The following GPRASP3 variants were observed in gnomAD, a reference collection of about 807,000 sequenced individuals.
GPRASP3 encodes G protein-coupled receptor associated sorting protein family member 3.
chrX:102,736,567 C>T, the GPRASP3 span, among the ~76,000 whole-genome samples: 3 of 111,627 alleles, frequency 2.7e-5, no homozygotes, highest in Non-Finnish European at 5.6e-5. Flanking sequence ...AAGGGACCAT[C>T]GTTATAGTGG....
chrX:102,727,019 A>T, the GPRASP3 span, among the ~76,000 whole-genome samples: 1 of 112,689 alleles, frequency 8.9e-6, no homozygotes, highest in East Asian at 2.8e-4. Flanking sequence ...GTGCTCACTG[A>T]TGCTCACTGA....
At chrX:102,750,161 T>C in the GPRASP3 span, 7 of 1,208,648 alleles carry the variant, frequency 5.8e-6, no homozygotes, top group Non-Finnish European at 7.8e-6. Context: ...GTAATTACTC[T>C]GAATCCTCCT....
At chrX:102,721,894 T>G in the GPRASP3 span, among the ~76,000 whole-genome samples, 1 of 111,564 alleles carries the variant, frequency 9.0e-6, no homozygotes, top group African/African-American at 3.3e-5. Flanking sequence ...CCTTGTCCTC[T>G]TTCACATCGA....
the GPRASP3 span, among the ~76,000 whole-genome samples, chrX:102,736,753 G>A: frequency 8.9e-6 from 1 of 111,811 alleles, no homozygotes; most frequent in African/African-American, 3.3e-5. Flanking sequence ...ATGCTTCTCT[G>A]ATCCAAATGT....
chrX:102,724,798 G>A, the GPRASP3 span, among the ~76,000 whole-genome samples: 2 of 108,807 alleles, frequency 1.8e-5, no homozygotes, highest in African/African-American at 3.4e-5. Flanking sequence ...CTTGTAGCGG[G>A]TAGAATCCTT....
chrX:102,732,787 A>C, the GPRASP3 span, among the ~76,000 whole-genome samples: 1 of 112,045 alleles, frequency 8.9e-6, no homozygotes, highest in Non-Finnish European at 1.9e-5. Flanking sequence ...ACTCTGTTCC[A>C]TAAGTAATCT....
the GPRASP3 span, among the ~76,000 whole-genome samples, chrX:102,732,938 C>A: frequency 3.6e-5 from 4 of 111,563 alleles, no homozygotes. Flanking sequence ...TCTTTACATA[C>A]CACAGGTCAG....
chrX:102,735,403 C>CTT, the GPRASP3 span, among the ~76,000 whole-genome samples: 801 of 94,443 alleles, frequency 8.5e-3, 16 homozygotes, highest in African/African-American at 0.029. Flanking sequence ...CACAGAATCT[C>CTT]TTTTTTTTTT....
chrX:102,736,623 A>G, the GPRASP3 span, among the ~76,000 whole-genome samples: 5 of 111,205 alleles, frequency 4.5e-5, no homozygotes, highest in Non-Finnish European at 9.4e-5. Flanking sequence ...AGACAGTACA[A>G]TGATTTTACC....
the GPRASP3 span, among the ~76,000 whole-genome samples, chrX:102,734,056 T>C: frequency 9.0e-6 from 1 of 111,114 alleles, no homozygotes; most frequent in African/African-American, 3.3e-5. Context: ...CATAAGATAA[T>C]GTCATCAGTT....
chrX:102,732,012 A>G, the GPRASP3 span, among the ~76,000 whole-genome samples: 6 of 112,058 alleles, frequency 5.4e-5, no homozygotes, highest in Non-Finnish European at 1.1e-4. Flanking sequence ...ACTATCAGGA[A>G]ATGGCCTGTC....
At chrX:102,749,943 G>T in the GPRASP3 span, 51 of 1,207,992 alleles carry the variant, frequency 4.2e-5, no homozygotes, top group Non-Finnish European at 5.5e-5. Context: ...CTTGCAAAAT[G>T]GAATGCTATA....
the GPRASP3 span, among the ~76,000 whole-genome samples, chrX:102,730,360 C>T: frequency 2.7e-5 from 3 of 112,146 alleles, no homozygotes; most frequent in South Asian, 3.7e-4. Flanking sequence ...CTGGCTAGCC[C>T]GCCACTCACC....
chrX:102,750,381 T>C, the GPRASP3 span: 3 of 1,203,072 alleles, frequency 2.5e-6, no homozygotes, highest in Non-Finnish European at 3.4e-6. Context: ...AAACCAGAAA[T>C]CTTGTTTTGA....
chrX:102,731,142 G>A, the GPRASP3 span, among the ~76,000 whole-genome samples: 6 of 112,632 alleles, frequency 5.3e-5, no homozygotes, highest in African/African-American at 1.9e-4. Flanking sequence ...TACTAAGCAG[G>A]ATAAATACCA....
chrX:102,751,366 C>T, the GPRASP3 span: 1 of 123,142 alleles, frequency 8.1e-6, no homozygotes, highest in Admixed American at 9.5e-5. Flanking sequence ...AGTTTTTTTC[C>T]TCTTCTCACA....
chrX:102,735,403 CTTTTTTTTT>C, the GPRASP3 span, among the ~76,000 whole-genome samples: 1 of 94,495 alleles, frequency 1.1e-5, no homozygotes, highest in Non-Finnish European at 2.1e-5. Flanking sequence ...CACAGAATCT[CTTTTTTTTT>C]TTTTTTTTTT....
chrX:102,725,432 A>G, the GPRASP3 span, among the ~76,000 whole-genome samples: 1 of 110,506 alleles, frequency 9.0e-6, no homozygotes, highest in Non-Finnish European at 1.9e-5. Context: ...GAAGTCTGAT[A>G]CCTCCTCGCC....
the GPRASP3 span, among the ~76,000 whole-genome samples, chrX:102,726,465 C>G: frequency 1.8e-5 from 2 of 111,614 alleles, no homozygotes; most frequent in African/African-American, 6.5e-5. Flanking sequence ...CCTTTTTTCC[C>G]TGTTTATCAG....
Sources: allele counts gnomAD v4.1 joint callset (sites outside exome capture counted in the v4.1 genomes callset), GRCh38; gene constraint gnomAD v4.1.1; transcripts MANE v1.5; gene names NCBI Gene and HGNC (gene_info 2026-07-23, HGNC 2026-07-21).